The following BLTP1 variants were observed in gnomAD, a reference collection of about 807,000 sequenced individuals.
The protein encoded by BLTP1 is bridge-like lipid transfer protein family member 1, also known as fragile site-associated protein.
At chr4:122,192,530 T>C in the BLTP1 span, 2 of 568,840 alleles carry the variant, frequency 3.5e-6, no homozygotes, top group Non-Finnish European at 5.9e-6. Context: ...AAAAACTTGC[T>C]TGTGGCTTCT....
chr4:122,162,002 A>G, the BLTP1 span, among the ~76,000 whole-genome samples: 1 of 152,324 alleles, frequency 6.6e-6, no homozygotes, highest in Non-Finnish European at 1.5e-5. Flanking sequence ...GATAATTACA[A>G]TACAGTGTGA....
At chr4:122,198,580 G>A in the BLTP1 span, 1 of 303,834 alleles carries the variant, frequency 3.3e-6, no homozygotes, top group Non-Finnish European at 4.8e-6. Flanking sequence ...GGACTGAGGA[G>A]TCAATATCTT....
the BLTP1 span, chr4:122,194,821 C>G: frequency 2.9e-6 from 1 of 348,678 alleles, no homozygotes; most frequent in Non-Finnish European, 4.0e-6. Flanking sequence ...TTGCTTTAAC[C>G]ACTCCTTTCA....
the BLTP1 span, chr4:122,183,172 CA>C: frequency 2.3e-6 from 1 of 430,430 alleles, no homozygotes; most frequent in Non-Finnish European, 3.1e-6. Context: ...CCTGTTTCTA[CA>C]AAAAATACAA....
At chr4:122,311,319 AG>A in the BLTP1 span, among the ~76,000 whole-genome samples, 1 of 152,106 alleles carries the variant, frequency 6.6e-6, no homozygotes, top group Non-Finnish European at 1.5e-5. Flanking sequence ...TGGGTTTTAG[AG>A]GGGACTAACT....
chr4:122,344,072 G>T, the BLTP1 span: 15 of 830,632 alleles, frequency 1.8e-5, no homozygotes, highest in South Asian at 7.7e-4. Flanking sequence ...ATGCATAAAA[G>T]CTTCTTATTA....
the BLTP1 span, chr4:122,174,620 A>G: frequency 5.1e-5 from 82 of 1,606,302 alleles, no homozygotes; most frequent in African/African-American, 1.0e-3. Flanking sequence ...TGGTTCGTGA[A>G]ATCTATTACA....
At chr4:122,292,304 A>G in the BLTP1 span, 323 of 927,096 alleles carry the variant, frequency 3.5e-4, no homozygotes, top group Non-Finnish European at 4.0e-4. Context: ...GGATTATCAA[A>G]TGAACAGACA....
At chr4:122,330,011 G>C in the BLTP1 span, among the ~76,000 whole-genome samples, 1 of 151,744 alleles carries the variant, frequency 6.6e-6, no homozygotes, top group African/African-American at 2.4e-5. Context: ...ACTTCATGTA[G>C]CATAATGTCC....
the BLTP1 span, chr4:122,215,592 A>G: frequency 1.0e-6 from 1 of 984,606 alleles, no homozygotes; most frequent in Non-Finnish European, 1.2e-6. Flanking sequence ...CCTACTGCAA[A>G]CTTTGTGAAC....
the BLTP1 span, chr4:122,190,185 C>A: frequency 7.2e-7 from 1 of 1,389,700 alleles, no homozygotes. Flanking sequence ...TACCCTTGAC[C>A]TTCCAGGCTC....
the BLTP1 span, among the ~76,000 whole-genome samples, chr4:122,290,398 C>T: frequency 6.6e-6 from 1 of 152,096 alleles, no homozygotes; most frequent in Non-Finnish European, 1.5e-5. Flanking sequence ...GTAAAAATCA[C>T]ATTATGACAT....
chr4:122,275,675 T>C, the BLTP1 span, among the ~76,000 whole-genome samples: 2 of 152,166 alleles, frequency 1.3e-5, no homozygotes. Flanking sequence ...ATAGCTGATA[T>C]TTCTTGCTCT....
At chr4:122,205,449 C>T in the BLTP1 span, among the ~76,000 whole-genome samples, 1 of 151,662 alleles carries the variant, frequency 6.6e-6, no homozygotes, top group Non-Finnish European at 1.5e-5. Context: ...AATTTAAACC[C>T]AGGACTGTCT....
chr4:122,175,925 A>AT, the BLTP1 span: 3 of 1,204,944 alleles, frequency 2.5e-6, no homozygotes, highest in East Asian at 4.7e-5. Flanking sequence ...GTGAGTTTTC[A>AT]TTTTTTATGT....
chr4:122,162,236 C>A, the BLTP1 span, among the ~76,000 whole-genome samples: 1 of 152,262 alleles, frequency 6.6e-6, no homozygotes, highest in South Asian at 2.1e-4. Flanking sequence ...TCCAAATAAT[C>A]AAAATCAAAT....
chr4:122,272,124 G>T, the BLTP1 span: 3 of 1,584,356 alleles, frequency 1.9e-6, no homozygotes, highest in Non-Finnish European at 2.6e-6. Context: ...TTCAGTCTTC[G>T]TATCTAAAAT....
At chr4:122,171,632 G>T in the BLTP1 span, among the ~76,000 whole-genome samples, 1 of 129,670 alleles carries the variant, frequency 7.7e-6, no homozygotes, top group African/African-American at 2.9e-5. Flanking sequence ...ATTTATATGG[G>T]TTACACAGGT....
the BLTP1 span, chr4:122,237,488 A>G: frequency 1.8e-6 from 1 of 555,998 alleles, no homozygotes; most frequent in African/African-American, 2.1e-5. Flanking sequence ...TCAACATTGA[A>G]CTTTTAGAGC....
Sources: gnomAD v4.1 joint callset for allele counts (sites outside exome capture counted in the v4.1 genomes callset) on GRCh38, gnomAD v4.1.1 for gene constraint, MANE v1.5 for transcripts, NCBI Gene and HGNC (gene_info 2026-07-23, HGNC 2026-07-21) for gene names.